Variants in FNDC3B observed in about 807,000 individuals in gnomAD.
FNDC3B encodes fibronectin type III domain-containing protein 3B.
In FNDC3B, 12 loss-of-function variants were observed where a neutral mutation model predicts 151.5. That is an observed-to-expected ratio of 0.08 (90% confidence interval 0.05 to 0.13). FNDC3B has a LOEUF of 0.13. Among genes scored for constraint, FNDC3B ranks in the 10% least tolerant of loss-of-function variants. The pLI is 1.00. For missense variants in FNDC3B, 1,214 were observed against 1,505.3 expected (o/e 0.81, Z 3.20); for synonymous variants, 528 against 549.0 (o/e 0.96, Z 0.54).
At chr3:172,071,847 C>T (rs949398917) in intron 1 of FNDC3B, among the ~76,000 whole-genome samples, 3 of 151,984 alleles carry the variant, frequency 2.0e-5, no homozygotes, top group Non-Finnish European at 2.9e-5. Context: ...TTCTCATTAC[C>T]ATGGTCTTAC....
chr3:172,145,858 G>A (rs1447132477), intron 3 of FNDC3B, among the ~76,000 whole-genome samples: 1 of 148,496 alleles, frequency 6.7e-6, no homozygotes, highest in Non-Finnish European at 1.5e-5. Flanking sequence ...TTGTTGCCCA[G>A]GCTGGAGTGC....
At chr3:172,214,960 T>A (rs151199308) in intron 3 of FNDC3B, among the ~76,000 whole-genome samples, 1 of 152,370 alleles carries the variant, frequency 6.6e-6, no homozygotes, top group East Asian at 1.9e-4. Flanking sequence ...TGAAATATAT[T>A]GAGTAATGAT....
chr3:172,325,761 G>A (rs1560078973), intron 11 of FNDC3B, among the ~76,000 whole-genome samples: 2 of 152,204 alleles, frequency 1.3e-5, no homozygotes, highest in Admixed American at 6.5e-5. Flanking sequence ...CTCAGCTGCA[G>A]ATCACTTTTT....
intron 1 of FNDC3B, among the ~76,000 whole-genome samples, chr3:172,056,119 A>T (rs1268383306): frequency 3.3e-5 from 5 of 152,014 alleles, no homozygotes; most frequent in Admixed American, 2.0e-4. Flanking sequence ...CAGGTTTTCC[A>T]AATCCTAGTT....
At chr3:172,317,047 T>A in intron 11 of FNDC3B, 1 of 397,196 alleles carries the variant, frequency 2.5e-6, no homozygotes. Context: ...AACCCACTCC[T>A]GTGATAACAA....
intron 1 of FNDC3B, among the ~76,000 whole-genome samples, chr3:172,043,383 C>G (rs1260261773): frequency 3.3e-5 from 5 of 152,022 alleles, no homozygotes; most frequent in Admixed American, 3.3e-4. Context: ...GCTCTGTTAC[C>G]CCGGCTGGAG....
intron 25 of FNDC3B, among the ~76,000 whole-genome samples, chr3:172,384,240 C>T (rs550872248): frequency 6.6e-6 from 1 of 152,278 alleles, no homozygotes; most frequent in Admixed American, 6.5e-5. Context: ...ATGACATCTA[C>T]CAGTGTCGAT....
In FNDC3B at chr3:172,145,002, C is replaced by T. The variant is rs573319542; in HGVS notation, c.187+11456C>T. Among the ~76,000 whole-genome samples the T allele has an allele frequency of 2.3e-3, 332 of 146,156 alleles. 4 individuals are homozygous for T. The highest frequency in any genetic ancestry group is 7.5e-3 in the African/African-American group (300 of 40,222). The stretch of plus-strand genomic sequence containing the variant: ...TGGATAGACCCTCCTCCCCCTACCA[C>T]TTTTTTTTTTTTCTATTTGAAGAGA... On this transcript the variant is annotated intron_variant, in intron 3 of 25. Transcript: ENST00000415807.
rs779648988 is a variant in FNDC3B at position 172,337,439 on chromosome 3, G to A, written c.1852+38G>A. On this transcript the variant is annotated intron_variant, in intron 16 of 25. Transcript: ENST00000415807. ...GCAATTGTTTTATTCAAATCCAATA[G>A]CAAGCTCTGTTTTCTAATATAGTAA... The A allele has an allele frequency of 2.3e-6, 3 of 1,306,906 alleles. No homozygotes were observed. In the South Asian group the frequency reaches 3.5e-5, roughly 15 times the overall value. 81.0% of individuals were successfully genotyped at this position (1,306,906 alleles called of 1,614,324 possible).
intron 1 of FNDC3B, among the ~76,000 whole-genome samples, chr3:172,107,128 T>G (rs1337466059): frequency 6.6e-6 from 1 of 152,214 alleles, no homozygotes. Flanking sequence ...AGTGCCCACG[T>G]GGCAGCCTTT....
chr3:172,311,883 G>GA lies in FNDC3B; in HGVS notation c.1254+1016dup, dbSNP rs56937613. 5.0e-3 allele frequency among the ~76,000 whole-genome samples: 570 copies of GA among 112,886 alleles called. 2 individuals are homozygous for GA. The highest frequency in any genetic ancestry group is 0.013 in the African/African-American group (438 of 34,050). 74.1% of individuals were successfully genotyped at this position (112,886 alleles called of 152,430 possible). A position where few individuals can be genotyped will look rare whatever the true frequency, so the allele number is the denominator to read the frequency against. ...ACAGAGCAAGACTCCGTCTCAAAAA[G>GA]AAAAAAAAAAAAAAGCAACTGTACT... On this transcript the variant is annotated intron_variant, in intron 11 of 25. Coordinates refer to ENST00000415807, the MANE Select transcript of FNDC3B (RefSeq NM_022763.4).
At chr3:172,331,708 GC>G (rs1440095169) in intron 13 of FNDC3B, among the ~76,000 whole-genome samples, 1 of 152,044 alleles carries the variant, frequency 6.6e-6, no homozygotes, top group Non-Finnish European at 1.5e-5. Context: ...TGGCCTCAAA[GC>G]CTTTTCAGTT....
At chr3:172,136,246 G>C (rs1168466714) in intron 3 of FNDC3B, among the ~76,000 whole-genome samples, 2 of 152,224 alleles carry the variant, frequency 1.3e-5, no homozygotes, top group African/African-American at 2.4e-5. Context: ...TAGATACCCA[G>C]AATGAGACAG....
intron 3 of FNDC3B, among the ~76,000 whole-genome samples, chr3:172,223,640 T>C (rs1726401752): frequency 6.6e-6 from 1 of 152,242 alleles, no homozygotes; most frequent in Non-Finnish European, 1.5e-5. Flanking sequence ...GCACCTCTGT[T>C]CACACTCTGT....
intron 7 of FNDC3B, among the ~76,000 whole-genome samples, chr3:172,292,082 A>G (rs1007064713): frequency 2.6e-5 from 4 of 152,208 alleles, no homozygotes; most frequent in African/African-American, 9.7e-5. Context: ...ACAAGTTCCA[A>G]GTCCTAATGG....
At position 172,392,798 on chromosome 3, in the gene FNDC3B, C is replaced by CTTTTTTTT. The variant is rs11450405; in HGVS notation, c.3304-4362_3304-4355dup. 6.8e-4 allele frequency among the ~76,000 whole-genome samples: 59 copies of CTTTTTTTT among 86,252 alleles called. 1 individual carries two copies. The highest frequency in any genetic ancestry group is 1.7e-3 in the Admixed American group (11 of 6,290). The allele number at this position is 86,252 out of a possible 152,430, so 56.6% of individuals were successfully genotyped here. A position where few individuals can be genotyped will look rare whatever the true frequency, so the allele number is the denominator to read the frequency against. On this transcript the variant is annotated intron_variant, in intron 25 of 25. Coordinates refer to ENST00000415807, the MANE Select transcript of FNDC3B (RefSeq NM_022763.4). ...GACAAAGTAACTGAATGAATTTTTTCTTTTTTTTTTTCTTTTTTTTTTTTC... is the reference window on the plus strand; with the variant it reads ...GACAAAGTAACTGAATGAATTTTTTCTTTTTTTTTTTTTTTTTTTCTTTTTTTTTTTTC...
chr3:172,193,185 T>C (rs1576784344), intron 3 of FNDC3B, among the ~76,000 whole-genome samples: 1 of 36,062 alleles, frequency 2.8e-5, no homozygotes. Flanking sequence ...GCCCTTCCTC[T>C]CCCTCCCTCC....
chr3:172,065,385 ATAG>A (rs76482539), intron 1 of FNDC3B, among the ~76,000 whole-genome samples: 10,899 of 152,236 alleles, frequency 0.072, 484 homozygotes, highest in East Asian at 0.19. Context: ...GAGAACTGAA[ATAG>A]TAGTGGACAT....
chr3:172,239,853 G>GTTTTTTTTTTTTTTTTT (rs1195281476), intron 4 of FNDC3B, among the ~76,000 whole-genome samples: 1 of 65,870 alleles, frequency 1.5e-5, no homozygotes, highest in African/African-American at 5.7e-5. Context: ...ATCCATTTTA[G>GTTTTTTTTTTTTTTTTT]TTCTTTTTTT....
Sources: allele counts gnomAD v4.1 joint callset (sites outside exome capture counted in the v4.1 genomes callset), GRCh38; gene constraint gnomAD v4.1.1; transcripts MANE v1.5; gene names NCBI Gene and HGNC (gene_info 2026-07-23, HGNC 2026-07-21).